TMEM184C: variants seen among roughly 807,000 people sequenced by gnomAD.
TMEM184C encodes the protein transmembrane protein 184C, also known as transmembrane protein 34.
TMEM184C carries 25 observed loss-of-function variants against 54.5 expected under a neutral mutation model. The ratio of observed to expected loss-of-function variants is 0.46; its 90% confidence interval spans 0.33 to 0.64. The LOEUF (loss-of-function observed/expected upper bound fraction) is 0.64. Among genes scored for constraint, TMEM184C ranks in the 30% least tolerant of loss-of-function variants. The pLI, the probability that TMEM184C is intolerant of heterozygous loss-of-function variation, is 0.02. For synonymous variants in TMEM184C, 148 were observed against 181.5 expected (o/e 0.82, Z 1.49); for missense variants, 335 against 520.3 (o/e 0.64, Z 3.46).
intron 1 of TMEM184C, among the ~76,000 whole-genome samples, chr4:147,622,573 G>T (rs902727108): frequency 1.3e-5 from 2 of 152,006 alleles, no homozygotes; most frequent in African/African-American, 2.4e-5. Flanking sequence ...TTCACTGGGG[G>T]TCTTGGAACC....
At chr4:147,631,740 G>A (rs970892174) in intron 7 of TMEM184C, among the ~76,000 whole-genome samples, 1 of 151,990 alleles carries the variant, frequency 6.6e-6, no homozygotes, top group Admixed American at 6.5e-5. Context: ...GTCAATACTA[G>A]AATAATTATT....
chr4:147,633,688 C>T lies in TMEM184C; in HGVS notation c.880-77C>T, dbSNP rs1732957612. On this transcript the variant is annotated intron_variant, in intron 8 of 9. Coordinates refer to ENST00000296582, the MANE Select transcript of TMEM184C (RefSeq NM_018241.3). ...TGTTTATCTTAGCACTTTTGAAAAG[C>T]AAGTAGAGAAAGATAGCACTCTACA... is the stretch of plus-strand genomic sequence containing the variant. 5 of 1,217,628 alleles carry T rather than the reference C, an allele frequency of 4.1e-6. No homozygotes were observed. The South Asian group carries it at 1.3e-4, about 31-fold the overall frequency. 75.4% of individuals were successfully genotyped at this position (1,217,628 alleles called of 1,614,324 possible). A position where few individuals can be genotyped will look rare whatever the true frequency, so the allele number is the denominator to read the frequency against.
At chr4:147,620,941 T>A (rs1409010272) in intron 1 of TMEM184C, among the ~76,000 whole-genome samples, 1 of 152,132 alleles carries the variant, frequency 6.6e-6, no homozygotes, top group African/African-American at 2.4e-5. Context: ...TATCTTGGTG[T>A]CCCCAGGCTG....
intron 4 of TMEM184C, among the ~76,000 whole-genome samples, chr4:147,625,622 C>G (rs1340382110): frequency 6.6e-6 from 1 of 151,776 alleles, no homozygotes; most frequent in Non-Finnish European, 1.5e-5. Context: ...GAAGAAGATT[C>G]CAGAGATGGA....
chr4:147,631,454 A>G lies in TMEM184C; in HGVS notation c.728A>G (p.Gln243Arg). 1 of 1,608,340 alleles carries G rather than the reference A, an allele frequency of 6.2e-7. No homozygotes were observed. The highest frequency in any genetic ancestry group is 8.5e-7 in the Non-Finnish European group (1 of 1,178,860). The change falls in exon 7 of 10, where the codon CAA (glutamine) becomes CGA (arginine). Residue 243 changes from glutamine (Q) to arginine (R), a missense_variant. Transcript: ENST00000296582. ...CTAAAAGAAGAACTGAGCCCAATCC[A>G]ACCTGTTGGCAAATTTCTTTGTGTA... is the stretch of plus-strand genomic sequence containing the variant. ...KVLKEELSPI[Q>R]PVGKFLCVKL...
At position 147,624,822 on chromosome 4, in the gene TMEM184C, C is replaced by T. The variant is rs777240899; in HGVS notation, c.310C>T (p.Pro104Ser). ...SLDSWIALKY[P>S]GIAIYVDTCR... ...TTCATAGTGGATAGCTTTGAAATATCCCGGAATTGCAATATATGTGGATAC... is the reference window on the plus strand; with the variant it reads ...TTCATAGTGGATAGCTTTGAAATATTCCGGAATTGCAATATATGTGGATAC... The change falls in exon 4 of 10, where the codon CCC becomes TCC. Residue 104 changes from proline (P) to serine (S), a missense_variant. Physicochemically the swap from Pro to Ser is moderately conservative, Grantham distance 74. Coordinates refer to ENST00000296582, the MANE Select transcript of TMEM184C (RefSeq NM_018241.3). 2.5e-6 allele frequency: 4 copies of T among 1,613,524 alleles called. No homozygotes were observed. The highest frequency in any genetic ancestry group is 1.3e-5 in the African/African-American group (1 of 74,902).
intron 1 of TMEM184C, among the ~76,000 whole-genome samples, chr4:147,618,679 T>TA (rs1194754446): frequency 1.3e-5 from 2 of 152,192 alleles, no homozygotes; most frequent in African/African-American, 4.8e-5. Flanking sequence ...TCGGAGTTAA[T>TA]AAAACCCACC....
Position 147,624,798 on chromosome 4 carries a change from T to C in TMEM184C, c.292-6T>C. On this transcript the variant is annotated splice_polypyrimidine_tract_variant and splice_region_variant and intron_variant, in intron 3 of 9. Coordinates refer to ENST00000296582, the MANE Select transcript of TMEM184C (RefSeq NM_018241.3). ...AACTATCTTTAACATCTGTGCTTTT[T>C]CATAGTGGATAGCTTTGAAATATCC... 6.2e-7 allele frequency: 1 copy of C among 1,612,198 alleles called. No individual in the cohort carries two copies. The highest frequency in any genetic ancestry group is 8.5e-7 in the Non-Finnish European group (1 of 1,178,494).
At chr4:147,624,037 A>T in intron 2 of TMEM184C, 25 bp from the exon 3 acceptor site, 2 of 1,611,692 alleles carry the variant, frequency 1.2e-6, no homozygotes, top group Admixed American at 3.3e-5. Flanking sequence ...AAATGTTTTA[A>T]ATTTCTGTTT....
At position 147,633,917 on chromosome 4, in the gene TMEM184C, T is replaced by C. The variant is rs758253970; in HGVS notation, c.1032T>C (p.Ser344=). Residue 344 remains serine (S), a synonymous_variant, in exon 9 of 10, where the codon TCT becomes TCC. Coordinates refer to ENST00000296582, the MANE Select transcript of TMEM184C (RefSeq NM_018241.3). ...TCTCAGATATTAGAGATGATATTTC[T>C]GAACAAGTAAGGCATGTTGGTAAGT... is the stretch of plus-strand genomic sequence containing the variant. ...WDVSDIRDDI[S]EQVRHVGRTV... The C allele has an allele frequency of 2.2e-5, 35 of 1,612,998 alleles. No homozygotes were observed. Among genetic ancestry groups the C allele is most frequent in the Non-Finnish European group, 2.9e-5 (34 of 1,179,678 alleles).
intron 1 of TMEM184C, among the ~76,000 whole-genome samples, chr4:147,620,351 C>T (rs1732687005): frequency 6.6e-6 from 1 of 152,110 alleles, no homozygotes; most frequent in Admixed American, 6.6e-5. Flanking sequence ...AACATTACCT[C>T]CATAGAACTT....
intron 7 of TMEM184C, among the ~76,000 whole-genome samples, chr4:147,632,364 A>G (rs940806766): frequency 5.3e-5 from 8 of 152,188 alleles, no homozygotes; most frequent in African/African-American, 1.9e-4. Context: ...AGAAAGTTTC[A>G]TACTATAAAA....
At chr4:147,627,453 G>C (rs1206998088) in intron 4 of TMEM184C, among the ~76,000 whole-genome samples, 1 of 151,816 alleles carries the variant, frequency 6.6e-6, no homozygotes, top group African/African-American at 2.4e-5. Context: ...GCTAAATTTT[G>C]TTATTTTTTT....
chr4:147,621,169 C>T (rs1330431445), intron 1 of TMEM184C, among the ~76,000 whole-genome samples: 1 of 152,072 alleles, frequency 6.6e-6, no homozygotes, highest in Non-Finnish European at 1.5e-5. Flanking sequence ...TACCTCAGCA[C>T]ACTTTTTTTT....
Position 147,618,042 on chromosome 4 carries a change from C to T in TMEM184C, c.86C>T (p.Ala29Val), listed in dbSNP as rs746751528. ...ATCTACCTGGTGTCAATAGTGGTTG[C>T]GGTTCCCCTATGCGTGTGGGAATTA... is the stretch of plus-strand genomic sequence containing the variant. ...AVIYLVSIVV[A>V]VPLCVWELQK... Residue 29 changes from alanine to valine, a missense_variant, in exon 1 of 10, where the codon GCG (alanine) becomes GTG (valine). Ala to Val is a moderately conservative substitution (Grantham distance 64). Coordinates refer to ENST00000296582, the MANE Select transcript of TMEM184C (RefSeq NM_018241.3). 6.2e-6 allele frequency: 10 copies of T among 1,614,004 alleles called. No individual in the cohort carries two copies. The highest frequency in any genetic ancestry group is 1.7e-5 in the Admixed American group (1 of 60,012).
At position 147,636,354 on chromosome 4, in the gene TMEM184C, C is replaced by T. The variant is rs1733046037; in HGVS notation, c.*1920C>T. ...GTCAACTAATTTTTGACAAAGACACCAAGAAGACACATCGGGGAAAGAACA... is the reference window on the plus strand; with the variant it reads ...GTCAACTAATTTTTGACAAAGACACTAAGAAGACACATCGGGGAAAGAACA... On this transcript the variant is annotated 3_prime_UTR_variant, in exon 10 of 10. Transcript: ENST00000296582. 1 of 151,884 alleles carries T rather than the reference C, an allele frequency of 6.6e-6. No homozygotes were observed. The highest frequency in any genetic ancestry group is 1.5e-5 in the Non-Finnish European group (1 of 67,924). 9.4% of individuals were successfully genotyped at this position (151,884 alleles called of 1,614,324 possible). A position where few individuals can be genotyped will look rare whatever the true frequency, so the allele number is the denominator to read the frequency against.
In TMEM184C at chr4:147,624,014, T is replaced by A. The variant is rs761939047; in HGVS notation, c.255-48T>A. On this transcript the variant is annotated intron_variant, in intron 2 of 9. Coordinates refer to ENST00000296582, the MANE Select transcript of TMEM184C (RefSeq NM_018241.3). ...ACTACTGTTGTGTTGGCTTATTTCA[T>A]AAATATGACATAAAATGTTTTAAAT... 18 of 1,611,722 alleles carry A rather than the reference T, an allele frequency of 1.1e-5. No homozygotes were observed. The South Asian group carries it at 2.0e-4, about 18-fold the overall frequency.
intron 4 of TMEM184C, among the ~76,000 whole-genome samples, chr4:147,626,959 C>T (rs185119488): frequency 2.0e-3 from 306 of 152,242 alleles, no homozygotes; most frequent in Non-Finnish European, 3.4e-3. Context: ...TGCAGAATTA[C>T]GAAGAGGGGA....
chr4:147,623,711 C>A, intron 1 of TMEM184C, 123 bp from the exon 2 acceptor site: 1 of 852,430 alleles, frequency 1.2e-6, no homozygotes, highest in Non-Finnish European at 1.8e-6. Flanking sequence ...CTCCTGGCCT[C>A]AAGCGATCCT....
Sources: allele counts gnomAD v4.1 joint callset (sites outside exome capture counted in the v4.1 genomes callset), GRCh38; gene constraint gnomAD v4.1.1; transcripts MANE v1.5; gene names NCBI Gene and HGNC (gene_info 2026-07-23, HGNC 2026-07-21).